Variants in SCN4B observed in about 807,000 individuals in gnomAD.
SCN4B encodes the protein sodium channel regulatory subunit beta-4.
SCN4B carries 20 observed loss-of-function variants against 19.6 expected under a neutral mutation model. The ratio of observed to expected loss-of-function variants is 1.02; its 90% CI spans 0.72 to 1.48. SCN4B has a LOEUF of 1.48. Ranked by LOEUF, SCN4B falls within the 40% of genes most tolerant of loss-of-function variation. SCN4B has a pLI of 0.00. For missense variants in SCN4B, 271 were observed against 287.5 expected, an observed-to-expected ratio of 0.94 and a Z score of 0.42; for synonymous variants, 127 against 122.8, an observed-to-expected ratio of 1.03 and a Z score of -0.22.
chr11:118,139,430 A>G (rs1452699422), intron 4 of SCN4B, among the ~76,000 whole-genome samples: 1 of 152,214 alleles, frequency 6.6e-6, no homozygotes, highest in Non-Finnish European at 1.5e-5. Flanking sequence ...CTTTGCTGGC[A>G]CTGATCCCCT....
rs1313399472 is a variant in SCN4B at position 118,134,231 on chromosome 11, T to C, written c.*2796A>G. The C allele has an allele frequency of 2.2e-6, 1 of 454,152 alleles. No homozygotes were observed. 28.1% of individuals were successfully genotyped at this position (454,152 alleles called of 1,614,324 possible). The stretch of plus-strand genomic sequence containing the variant: ...GAACCTGGAATGCTGATTTCATATT[T>C]TGTAGTTGATGAGGAGCTCAGAACT... On this transcript the variant is annotated 3_prime_UTR_variant, in exon 5 of 5. Coordinates refer to ENST00000324727, the MANE Select transcript of SCN4B (RefSeq NM_174934.4).
Position 118,134,622 on chromosome 11 carries a change from A to G in SCN4B, c.*2405T>C, listed in dbSNP as rs997260131. ...AAGCCATGGACAAGAAGCTTTAAGCATCAGAGTCAAGGTTTCTAATATTGC... is the reference window on the plus strand; with the variant it reads ...AAGCCATGGACAAGAAGCTTTAAGCGTCAGAGTCAAGGTTTCTAATATTGC... On this transcript the variant is annotated 3_prime_UTR_variant, in exon 5 of 5. Transcript: ENST00000324727. The G allele has an allele frequency of 8.8e-6, 4 of 454,024 alleles. No individual in the cohort carries two copies. Among genetic ancestry groups the G allele is most frequent in the African/African-American group, 8.0e-5 (4 of 50,010 alleles). The allele number at this position is 454,024 out of a possible 1,614,324, so 28.1% of individuals were successfully genotyped here.
chr11:118,145,304 C>A (rs751456903), intron 1 of SCN4B, 75 bp from the exon 2 acceptor site: 144 of 1,602,500 alleles, frequency 9.0e-5, no homozygotes, highest in Non-Finnish European at 1.6e-5. Flanking sequence ...TTAGGCAGGG[C>A]GGAGTAGCTT....
Position 118,145,155 on chromosome 11 carries a change from C to T in SCN4B, c.136G>A (p.Gly46Ser), listed in dbSNP as rs767600917. 6.2e-7 allele frequency: 1 copy of T among 1,614,164 alleles called. No homozygotes were observed. The highest frequency in any genetic ancestry group is 1.1e-5 in the South Asian group (1 of 91,084). The change falls in exon 2 of 5, where the codon GGC (glycine) becomes AGC (serine). Residue 46 changes from glycine to serine, a missense_variant. Transcript: ENST00000324727. ...GKATDIYAVNGTEILLPCTFS... is the reference protein window; with the variant it reads ...GKATDIYAVNSTEILLPCTFS... Reference sequence around the variant, plus strand: ...GTGCAGGGCAGCAGGATCTCCGTGCCATTGACAGCGTAGATGTCGGTGGCC... The same window carrying T: ...GTGCAGGGCAGCAGGATCTCCGTGCTATTGACAGCGTAGATGTCGGTGGCC...
At chr11:118,150,657 C>T (rs1246408350) in intron 1 of SCN4B, among the ~76,000 whole-genome samples, 1 of 152,234 alleles carries the variant, frequency 6.6e-6, no homozygotes, top group Non-Finnish European at 1.5e-5. Context: ...CCATGACTTC[C>T]TCATCCCTAG....
chr11:118,146,719 C>A (rs1793157), intron 1 of SCN4B, among the ~76,000 whole-genome samples: 101,538 of 152,050 alleles, frequency 0.67, 35,979 homozygotes, highest in African/African-American at 0.92. Flanking sequence ...GCCATTGTCG[C>A]TAACAATAGT....
Position 118,135,579 on chromosome 11 carries a change from C to A in SCN4B, c.*1448G>T, listed in dbSNP as rs1246926603. 4.4e-6 allele frequency: 2 copies of A among 454,040 alleles called. No individual in the cohort carries two copies. The highest frequency in any genetic ancestry group is 8.8e-6 in the Non-Finnish European group (2 of 226,728). 28.1% of individuals were successfully genotyped at this position (454,040 alleles called of 1,614,324 possible). ...CCACTCCCAACATCACCACCTCCCCCTAGGGCAGGCTAGAAACCCCAATGG... is the reference window on the plus strand; with the variant it reads ...CCACTCCCAACATCACCACCTCCCCATAGGGCAGGCTAGAAACCCCAATGG... On this transcript the variant is annotated 3_prime_UTR_variant, in exon 5 of 5. Coordinates refer to ENST00000324727, the MANE Select transcript of SCN4B (RefSeq NM_174934.4).
At chr11:118,147,547 G>A (rs968278845) in intron 1 of SCN4B, among the ~76,000 whole-genome samples, 4 of 152,108 alleles carry the variant, frequency 2.6e-5, no homozygotes, top group Admixed American at 2.6e-4. Flanking sequence ...GCACTCCATA[G>A]AACTCCTGCC....
intron 3 of SCN4B, 145 bp from the exon 4 acceptor site, chr11:118,141,481 C>T: frequency 1.1e-6 from 1 of 903,432 alleles, no homozygotes; most frequent in Non-Finnish European, 1.7e-6. Context: ...CCAGCCCTCC[C>T]CAGGCCTGCA....
rs141440651 is a variant in SCN4B at position 118,143,363 on chromosome 11, C to A, written c.463+470G>T. ...ACAGATGTATGCATCATGTTCTGCC[C>A]ATTCTAGCTATTTATTTATCTTCTG... On this transcript the variant is annotated intron_variant, in intron 3 of 4. Coordinates refer to ENST00000324727, the MANE Select transcript of SCN4B (RefSeq NM_174934.4). 1.2e-4 allele frequency among the ~76,000 whole-genome samples: 19 copies of A among 152,340 alleles called. No homozygotes were observed. In the East Asian group the frequency reaches 3.7e-3, roughly 29 times the overall value.
chr11:118,145,474 G>A (rs1255150330), intron 1 of SCN4B: 1 of 1,427,132 alleles, frequency 7.0e-7, no homozygotes, highest in South Asian at 1.2e-5. Flanking sequence ...CGCTCTGGAT[G>A]ACCACCAGGG....
chr11:118,144,618 G>A lies in SCN4B; in HGVS notation c.234+439C>T, dbSNP rs57371658. Among the ~76,000 whole-genome samples the A allele has an allele frequency of 3.1e-3, 467 of 151,928 alleles. 4 individuals carry two copies. Among genetic ancestry groups the A allele is most frequent in the African/African-American group, 0.011 (454 of 41,414 alleles). On this transcript the variant is annotated intron_variant, in intron 2 of 4. Coordinates refer to ENST00000324727, the MANE Select transcript of SCN4B (RefSeq NM_174934.4). ...TAGTGAGTTCACTCCCACCCCCACC[G>A]CAGCCGCGCCAATGCTCCTGCAGCT...
intron 1 of SCN4B, chr11:118,145,521 G>C: frequency 7.9e-7 from 1 of 1,272,716 alleles, no homozygotes; most frequent in East Asian, 4.2e-5. Context: ...CCTGGCCACT[G>C]CCGCGAACCG....
intron 4 of SCN4B, among the ~76,000 whole-genome samples, chr11:118,138,110 C>T (rs1255347150): frequency 6.6e-6 from 1 of 152,198 alleles, no homozygotes; most frequent in Non-Finnish European, 1.5e-5. Context: ...ACAGCAGCGC[C>T]CAGGCTGGGC....
In SCN4B at chr11:118,136,453, G is replaced by A. The variant is rs1948008758; in HGVS notation, c.*574C>T. 2.2e-6 allele frequency: 1 copy of A among 453,788 alleles called. No individual in the cohort carries two copies. The highest frequency in any genetic ancestry group is 1.6e-5 in the South Asian group (1 of 64,476). 28.1% of individuals were successfully genotyped at this position (453,788 alleles called of 1,614,324 possible). A position where few individuals can be genotyped will look rare whatever the true frequency, so the allele number is the denominator to read the frequency against. On this transcript the variant is annotated 3_prime_UTR_variant, in exon 5 of 5. Coordinates refer to ENST00000324727, the MANE Select transcript of SCN4B (RefSeq NM_174934.4). Reference sequence around the variant, plus strand: ...TAGGCAGATAGGGTCCCGGGGCAGGGGAAAGGAAGTTTCCTACTTGGAAGA... The same window carrying A: ...TAGGCAGATAGGGTCCCGGGGCAGGAGAAAGGAAGTTTCCTACTTGGAAGA...
At position 118,134,125 on chromosome 11, in the gene SCN4B, G is replaced by A. The variant is rs909085223; in HGVS notation, c.*2902C>T. On this transcript the variant is annotated 3_prime_UTR_variant, in exon 5 of 5. Transcript: ENST00000324727. ...TGCCATATGTAGTCTGAGCCCCATC[G>A]GCTGCTCTCCCCAGGCCTCTCTAAC... 12 of 454,210 alleles carry A rather than the reference G, an allele frequency of 2.6e-5. No homozygotes were observed. The highest frequency in any genetic ancestry group is 4.0e-5 in the African/African-American group (2 of 50,002). The allele number at this position is 454,210 out of a possible 1,614,324, so 28.1% of individuals were successfully genotyped here.
In SCN4B at chr11:118,145,052, C is replaced by G. The variant is rs1304421198; in HGVS notation, c.234+5G>C. The stretch of plus-strand genomic sequence containing the variant: ...GGCTGTACTGTTCTTCCTCCAAATA[C>G]TTACAATCTTGAATGCGTCACTGCT... On this transcript the variant is annotated splice_donor_5th_base_variant and intron_variant, in intron 2 of 4. Transcript: ENST00000324727. 1 of 1,614,020 alleles carries G rather than the reference C, an allele frequency of 6.2e-7. No homozygotes were observed. Among genetic ancestry groups the G allele is most frequent in the Non-Finnish European group, 8.5e-7 (1 of 1,179,930 alleles).
At chr11:118,138,309 C>T (rs1286602648) in intron 4 of SCN4B, among the ~76,000 whole-genome samples, 2 of 152,170 alleles carry the variant, frequency 1.3e-5, no homozygotes, top group African/African-American at 4.8e-5. Flanking sequence ...ATACCTAGTT[C>T]CTAGCTCCAG....
rs1298631952 is a variant in SCN4B, at chr11:118,141,411, AG to A, written c.464-76del. ...TCAACCTGGAGCCGAGAACTGTGGC[AG>A]TGCAAGGGCCATGTAGCCTCCACCC... is the stretch of plus-strand genomic sequence containing the variant. On this transcript the variant is annotated intron_variant, in intron 3 of 4. Coordinates refer to ENST00000324727, the MANE Select transcript of SCN4B (RefSeq NM_174934.4). 1.9e-6 allele frequency: 3 copies of A among 1,586,296 alleles called. No individual in the cohort carries two copies. The East Asian group carries it at 6.7e-5, about 35-fold the overall frequency.
Sources: gnomAD v4.1 joint callset for allele counts (sites outside exome capture counted in the v4.1 genomes callset) on GRCh38, gnomAD v4.1.1 for gene constraint, MANE v1.5 for transcripts, NCBI Gene and HGNC (gene_info 2026-07-23, HGNC 2026-07-21) for gene names.